The following PPP3CC variants were observed in gnomAD, a reference collection of about 807,000 sequenced individuals.
PPP3CC encodes the protein serine/threonine-protein phosphatase 2B catalytic subunit gamma isoform.
Under a neutral mutation model 60.3 loss-of-function variants are expected in PPP3CC, and 35 were observed. The observed-to-expected ratio is 0.58, with a 90% CI of 0.44 to 0.77. The LOEUF (loss-of-function observed/expected upper bound fraction) is 0.77. PPP3CC is among the 30% of genes least tolerant of loss of function. The probability of loss-of-function intolerance (pLI) is 0.00; values close to 1 mark genes in which losing one functional copy is unlikely to be tolerated. For missense variants in PPP3CC, 570 were observed against 628.9 expected (o/e 0.91, Z 1.00); for synonymous variants, 206 against 224.3 (o/e 0.92, Z 0.73).
intron 4 of PPP3CC, among the ~76,000 whole-genome samples, chr8:22,504,887 A>T (rs1232279618): frequency 6.6e-6 from 1 of 151,302 alleles, no homozygotes; most frequent in Non-Finnish European, 1.5e-5. Flanking sequence ...GCCTATTTTT[A>T]TGTTTTTATG....
chr8:22,540,711 G>A lies in PPP3CC; in HGVS notation c.1448G>A (p.Ser483Asn). The A allele has an allele frequency of 6.2e-7, 1 of 1,614,160 alleles. No individual in the cohort carries two copies. Among genetic ancestry groups the A allele is most frequent in the Non-Finnish European group, 8.5e-7 (1 of 1,180,040 alleles). The change falls in exon 14 of 14, where the codon AGC becomes AAC. Residue 483 changes from serine (S) to asparagine (N), a missense_variant. Ser to Asn is a conservative substitution (Grantham distance 46). Transcript: ENST00000240139. ...GAGCGAATGCCACCCCGAAAGGATA[G>A]CATACACGCTGGTGGGCCAATGAAA... The part of the protein sequence containing the change: ...INERMPPRKD[S>N]IHAGGPMKSV...
chr8:22,458,689 G>A (rs1258867228), intron 1 of PPP3CC, among the ~76,000 whole-genome samples: 3 of 151,796 alleles, frequency 2.0e-5, no homozygotes, highest in East Asian at 1.9e-4. Context: ...TTTTAGGAAG[G>A]CTACCTATAG....
chr8:22,460,246 T>G (rs545288267), intron 1 of PPP3CC, among the ~76,000 whole-genome samples: 1 of 152,294 alleles, frequency 6.6e-6, no homozygotes, highest in South Asian at 2.1e-4. Flanking sequence ...AAAGATAGGA[T>G]AGTTTGAAAG....
At chr8:22,471,111 T>G (rs1837707675) in intron 1 of PPP3CC, among the ~76,000 whole-genome samples, 1 of 152,176 alleles carries the variant, frequency 6.6e-6, no homozygotes, top group Non-Finnish European at 1.5e-5. Context: ...CACCCCCAAT[T>G]TTTTAACTTT....
In PPP3CC at chr8:22,532,972, A is replaced by C; in HGVS notation, c.1275A>C (p.Thr425=). The C allele has an allele frequency of 6.2e-7, 1 of 1,605,296 alleles. No individual in the cohort carries two copies. Among genetic ancestry groups the C allele is most frequent in the East Asian group, 2.3e-5 (1 of 43,922 alleles). The change falls in exon 12 of 14, where the codon ACA becomes ACC. Residue 425 remains threonine (T), a synonymous_variant. Coordinates refer to ENST00000240139, the MANE Select transcript of PPP3CC (RefSeq NM_005605.5). The part of the protein sequence containing the change: ...LTLKGLTPTG[T]LPLGVLSGGK... ...TCAAGGGCCTGACTCCCACAGGCACACTCCCTCTGGGCGTCCTCTCAGGAG... is the reference window on the plus strand; with the variant it reads ...TCAAGGGCCTGACTCCCACAGGCACCCTCCCTCTGGGCGTCCTCTCAGGAG...
At chr8:22,522,812 G>A (rs1839443710) in intron 8 of PPP3CC, 63 bp downstream of exon 8, 2 of 1,125,424 alleles carry the variant, frequency 1.8e-6, no homozygotes, top group Non-Finnish European at 1.3e-6. Context: ...TGGTTTAATT[G>A]TATGTACGTA....
chr8:22,468,255 T>C (rs995720351), intron 1 of PPP3CC, among the ~76,000 whole-genome samples: 12 of 151,990 alleles, frequency 7.9e-5, no homozygotes, highest in Non-Finnish European at 1.3e-4. Context: ...AGGCGCCCGC[T>C]ACCACGCCCA....
chr8:22,489,274 T>A (rs2132493966), intron 3 of PPP3CC, among the ~76,000 whole-genome samples: 1 of 152,232 alleles, frequency 6.6e-6, no homozygotes, highest in South Asian at 2.1e-4. Context: ...AAAGTCTCAG[T>A]TGAATTGATC....
At position 22,527,510 on chromosome 8, in the gene PPP3CC, G is replaced by T. The variant is rs1399374749; in HGVS notation, c.1062G>T (p.Gly354=). 1 of 1,613,484 alleles carries T rather than the reference G, an allele frequency of 6.2e-7. No homozygotes were observed. Among genetic ancestry groups the T allele is most frequent in the African/African-American group, 1.3e-5 (1 of 74,896 alleles). Residue 354 remains glycine (G), a synonymous_variant, in exon 9 of 14, where the codon GGG becomes GGT. Transcript: ENST00000240139. ...TCACATGGTCTTTGCCTTTTGTTGG[G>T]GAAAAAGGTAAGAGAACTAAAGCAC... ...DVFTWSLPFV[G]EKVTEMLVNV... is the part of the protein sequence containing the mutation.
intron 4 of PPP3CC, among the ~76,000 whole-genome samples, chr8:22,502,651 C>G (rs1386474745): frequency 1.3e-5 from 2 of 152,082 alleles, no homozygotes; most frequent in African/African-American, 4.8e-5. Context: ...TCACCACACT[C>G]CAGCCTGGGT....
chr8:22,493,510 ATTC>A (rs1160315514), intron 3 of PPP3CC, among the ~76,000 whole-genome samples: 4 of 152,232 alleles, frequency 2.6e-5, no homozygotes, highest in African/African-American at 9.6e-5. Flanking sequence ...TTTTCCTTAT[ATTC>A]TTATTCTATA....
intron 1 of PPP3CC, among the ~76,000 whole-genome samples, chr8:22,455,055 CAAAA>C (rs5890035): frequency 6.6e-5 from 6 of 91,304 alleles, no homozygotes; most frequent in South Asian, 7.1e-4. Context: ...GACTCCATCT[CAAAA>C]AAAAAAAAAA....
chr8:22,532,269 G>A lies in PPP3CC; in HGVS notation c.1186G>A (p.Ala396Thr), dbSNP rs769958673. The stretch of plus-strand genomic sequence containing the variant: ...GGAGATCATCAGGAATAAGATCAGA[G>A]CCATTGGGAAGATGGCACGGGTCTT... ...RKEIIRNKIR[A>T]IGKMARVFSI... Residue 396 changes from alanine (A) to threonine (T), a missense_variant, in exon 11 of 14, where the codon GCC becomes ACC. By Grantham distance (58) the Ala-to-Thr change is moderately conservative. Coordinates refer to ENST00000240139, the MANE Select transcript of PPP3CC (RefSeq NM_005605.5). The A allele has an allele frequency of 3.3e-5, 54 of 1,613,370 alleles. No homozygotes were observed. Among genetic ancestry groups the A allele is most frequent in the South Asian group, 7.7e-5 (7 of 91,062 alleles).
intron 1 of PPP3CC, among the ~76,000 whole-genome samples, chr8:22,458,224 T>C (rs1837266216): frequency 6.6e-6 from 1 of 152,234 alleles, no homozygotes; most frequent in African/African-American, 2.4e-5. Context: ...ATTACTGCTC[T>C]AGTATTTTTT....
At chr8:22,472,238 C>T in intron 1 of PPP3CC, among the ~76,000 whole-genome samples, 1 of 141,036 alleles carries the variant, frequency 7.1e-6, no homozygotes, top group South Asian at 2.1e-4. Context: ...TGTAATAACA[C>T]CTAGCTTAAA....
intron 3 of PPP3CC, among the ~76,000 whole-genome samples, chr8:22,496,451 A>G (rs1483985550): frequency 7.9e-6 from 1 of 126,324 alleles, no homozygotes; most frequent in Non-Finnish European, 1.7e-5. Flanking sequence ...TTGGAATTTC[A>G]TGACTTATAA....
chr8:22,441,423 G>A lies in PPP3CC; in HGVS notation c.14G>A (p.Arg5His), dbSNP rs373289771. MSGR[R>H]FHLSTTDRVI... is the part of the protein sequence containing the mutation. ...GCCGAGGGGACCATGTCCGGGAGGC[G>A]CTTCCACCTCTCCACCACCGACCGC... Residue 5 changes from arginine (R) to histidine (H), a missense_variant, in exon 1 of 14, where the codon CGC becomes CAC. Coordinates refer to ENST00000240139, the MANE Select transcript of PPP3CC (RefSeq NM_005605.5). The A allele has an allele frequency of 9.5e-5, 147 of 1,545,794 alleles. 1 individual carries two copies. In the African/African-American group the frequency reaches 1.9e-3, roughly 20 times the overall value.
chr8:22,498,142 T>G, intron 4 of PPP3CC, 30 bp downstream of exon 4: 1 of 1,442,618 alleles, frequency 6.9e-7, no homozygotes, highest in African/African-American at 1.4e-5. Flanking sequence ...TAGAACCTTT[T>G]TAGTTACCCT....
intron 6 of PPP3CC, among the ~76,000 whole-genome samples, chr8:22,516,548 A>T (rs1839249336): frequency 6.6e-6 from 1 of 152,168 alleles, no homozygotes; most frequent in South Asian, 2.1e-4. Flanking sequence ...GTAACACCCA[A>T]ATCAGTACTT....
Sources: gnomAD v4.1 joint callset for allele counts (sites outside exome capture counted in the v4.1 genomes callset) on GRCh38, gnomAD v4.1.1 for gene constraint, MANE v1.5 for transcripts, NCBI Gene and HGNC (gene_info 2026-07-23, HGNC 2026-07-21) for gene names.